Variants in CWF19L2 observed in about 807,000 individuals in gnomAD.
CWF19L2 encodes CWF19-like protein 2.
A neutral mutation model predicts 111.7 loss-of-function variants in CWF19L2; 98 were observed. The ratio of observed to expected loss-of-function variants is 0.88; its 90% CI spans 0.75 to 1.04. The LOEUF (loss-of-function observed/expected upper bound fraction) is 1.04, where lower values mean the gene tolerates loss of function less well. CWF19L2 is among the 50% of genes least tolerant of loss of function. The pLI, the probability that CWF19L2 is intolerant of heterozygous loss-of-function variation, is 0.00. For missense variants in CWF19L2, 1,101 were observed against 1,051.4 expected (o/e 1.05, Z -0.65); for synonymous variants, 351 against 342.9 (o/e 1.02, Z -0.26).
At chr11:107,412,167 C>A (rs1479691240) in intron 10 of CWF19L2, among the ~76,000 whole-genome samples, 1 of 152,018 alleles carries the variant, frequency 6.6e-6, no homozygotes, top group Admixed American at 6.6e-5. Context: ...GTGACAAGTG[C>A]CAGGAAAGAA....
chr11:107,457,528 T>C lies in CWF19L2; in HGVS notation c.105+184A>G, dbSNP rs553719793. Among the ~76,000 whole-genome samples the C allele has an allele frequency of 1.5e-3, 231 of 152,268 alleles. 1 individual carries two copies. The highest frequency in any genetic ancestry group is 5.3e-3 in the African/African-American group (221 of 41,546). On this transcript the variant is annotated intron_variant, in intron 1 of 17. Coordinates refer to ENST00000282251, the MANE Select transcript of CWF19L2 (RefSeq NM_152434.3). ...GAAAAGAGAATTAGCAACTGGCACC[T>C]GCCAGAACATCTAAAAAATCGGTAG... is the stretch of plus-strand genomic sequence containing the variant.
At chr11:107,361,526 G>A (rs1860336594) in intron 12 of CWF19L2, among the ~76,000 whole-genome samples, 1 of 152,108 alleles carries the variant, frequency 6.6e-6, no homozygotes, top group South Asian at 2.1e-4. Flanking sequence ...CTGTTGGTAT[G>A]TTGATAGAGA....
rs1241521864 is a variant in CWF19L2, at chr11:107,429,334, G to C, written c.898C>G (p.Gln300Glu). 2 of 1,607,506 alleles carry C rather than the reference G, an allele frequency of 1.2e-6. No homozygotes were observed. The highest frequency in any genetic ancestry group is 1.7e-6 in the Non-Finnish European group (2 of 1,176,314). ...ACTAAGTCTGATTCTCTACTTTCTT[G>C]ACAATTTTGTGCTTTATCTGAATAT... Reference protein sequence around the residue: ...PTYSDKAQNCQESRESDLVKY... With the variant: ...PTYSDKAQNCEESRESDLVKY... The change falls in exon 8 of 18, where the codon CAA becomes GAA. Residue 300 changes from glutamine (Q) to glutamate (E), a missense_variant. By Grantham distance (29) the Gln-to-Glu change is conservative. Coordinates refer to ENST00000282251, the MANE Select transcript of CWF19L2 (RefSeq NM_152434.3).
chr11:107,340,850 T>C (rs1859995915), intron 14 of CWF19L2, among the ~76,000 whole-genome samples: 1 of 152,226 alleles, frequency 6.6e-6, no homozygotes, highest in Non-Finnish European at 1.5e-5. Flanking sequence ...TTTTTGAAAT[T>C]TCTCTTAACA....
chr11:107,367,509 G>C lies in CWF19L2; in HGVS notation c.1873-13773C>G, dbSNP rs917884830. ...ATACTATGCAGCCATAAAAAATGAT[G>C]AGTTCATGTCCTTTGTAGGGACATG... On this transcript the variant is annotated intron_variant, in intron 12 of 17. Transcript: ENST00000282251. 4.6e-5 allele frequency among the ~76,000 whole-genome samples: 6 copies of C among 131,004 alleles called. 1 individual carries two copies. Among genetic ancestry groups the C allele is most frequent in the African/African-American group, 1.9e-4 (6 of 32,054 alleles). 85.9% of individuals were successfully genotyped at this position (131,004 alleles called of 152,430 possible).
intron 12 of CWF19L2, among the ~76,000 whole-genome samples, chr11:107,386,279 G>C (rs1172198295): frequency 6.6e-6 from 1 of 152,118 alleles, no homozygotes; most frequent in Non-Finnish European, 1.5e-5. Context: ...CTCCCAAAGT[G>C]CTGGGATTAC....
At chr11:107,412,535 T>G (rs1363427724) in intron 10 of CWF19L2, among the ~76,000 whole-genome samples, 4 of 152,134 alleles carry the variant, frequency 2.6e-5, no homozygotes, top group Admixed American at 2.0e-4. Context: ...GAGACAGGGT[T>G]TTGCCATGTT....
chr11:107,413,108 A>C (rs1021856442), intron 10 of CWF19L2, among the ~76,000 whole-genome samples: 3 of 152,168 alleles, frequency 2.0e-5, no homozygotes, highest in African/African-American at 7.2e-5. Flanking sequence ...AGAGGACCTT[A>C]ATGTAAACTA....
rs371866466 is a variant in CWF19L2 at position 107,428,974 on chromosome 11, T to G, written c.1258A>C (p.Ser420Arg). Residue 420 changes from serine to arginine, a missense_variant, in exon 8 of 18, where the codon AGT becomes CGT. Ser to Arg is a moderately radical substitution (Grantham distance 110, BLOSUM62 -1). Coordinates refer to ENST00000282251, the MANE Select transcript of CWF19L2 (RefSeq NM_152434.3). ...TTGTCTCCTCTCCCATCAGAGCGAC[T>G]CCATGATGTTAATCTTTCTTCACTG... ...KNSEERLTSWSRSDGRGDKKH... is the reference protein window; with the variant it reads ...KNSEERLTSWRRSDGRGDKKH... 2 of 1,613,672 alleles carry G rather than the reference T, an allele frequency of 1.2e-6. No individual in the cohort carries two copies. The highest frequency in any genetic ancestry group is 2.7e-5 in the African/African-American group (2 of 74,894).
intron 9 of CWF19L2, 108 bp from the exon 10 acceptor site, chr11:107,416,406 T>C (rs1861227255): frequency 9.4e-6 from 4 of 423,308 alleles, no homozygotes; most frequent in Non-Finnish European, 1.6e-5. Flanking sequence ...CCAACACTCA[T>C]GTAGCCTTCA....
chr11:107,390,781 T>C (rs556012431), intron 11 of CWF19L2, among the ~76,000 whole-genome samples: 24 of 152,242 alleles, frequency 1.6e-4, no homozygotes, highest in African/African-American at 5.5e-4. Context: ...GTCAACTTGA[T>C]TGGACTGAAG....
At chr11:107,332,477 C>T (rs1859863825) in intron 16 of CWF19L2, among the ~76,000 whole-genome samples, 1 of 147,796 alleles carries the variant, frequency 6.8e-6, no homozygotes, top group African/African-American at 2.5e-5. Flanking sequence ...CAAAGAAAAA[C>T]ATAAATTTGT....
intron 17 of CWF19L2, 79 bp from the exon 18 acceptor site, chr11:107,327,132 T>C (rs1859773608): frequency 1.5e-6 from 2 of 1,313,456 alleles, no homozygotes; most frequent in Non-Finnish European, 2.1e-6. Flanking sequence ...CTGTTTATTC[T>C]GCTATAAAAT....
intron 3 of CWF19L2, among the ~76,000 whole-genome samples, chr11:107,449,176 T>A (rs1237725767): frequency 1.4e-5 from 2 of 147,350 alleles, no homozygotes; most frequent in Non-Finnish European, 3.0e-5. Context: ...AAACTTAAAA[T>A]TCTTTATCTA....
chr11:107,454,535 T>G lies in CWF19L2; in HGVS notation c.254A>C (p.His85Pro), dbSNP rs532502837. Reference sequence around the variant, plus strand: ...CTTTTCTTTCTTTGCTTTTTTTGAATGCTTGTCTTTTTTCTTCTTTTTCTT... The same window carrying G: ...CTTTTCTTTCTTTGCTTTTTTTGAAGGCTTGTCTTTTTTCTTCTTTTTCTT... ...SVKKKKKKDK[H>P]SKKAKKEKKK... Residue 85 changes from histidine to proline, a missense_variant, in exon 3 of 18, where the codon CAT (histidine) becomes CCT (proline). Transcript: ENST00000282251. 2.0e-6 allele frequency: 3 copies of G among 1,469,634 alleles called. No individual in the cohort carries two copies. In the East Asian group the frequency reaches 7.8e-5, roughly 38 times the overall value. The allele number at this position is 1,469,634 out of a possible 1,614,324, so 91.0% of individuals were successfully genotyped here. A position where few individuals can be genotyped will look rare whatever the true frequency, so the allele number is the denominator to read the frequency against.
At chr11:107,357,756 AT>A (rs1483519591) in intron 12 of CWF19L2, among the ~76,000 whole-genome samples, 3 of 152,154 alleles carry the variant, frequency 2.0e-5, no homozygotes, top group Non-Finnish European at 4.4e-5. Flanking sequence ...AATATTTTTA[AT>A]TTATCAATCA....
intron 6 of CWF19L2, among the ~76,000 whole-genome samples, chr11:107,438,844 T>A (rs1010198529): frequency 8.5e-5 from 13 of 152,052 alleles, no homozygotes; most frequent in Admixed American, 8.5e-4. Flanking sequence ...GCCCAGGAGT[T>A]CAAGACTAGG....
chr11:107,362,252 C>T (rs1424316991), intron 12 of CWF19L2, among the ~76,000 whole-genome samples: 2 of 152,040 alleles, frequency 1.3e-5, no homozygotes, highest in Admixed American at 6.5e-5. Context: ...GGGGAAGGGG[C>T]GCCCGCCATT....
chr11:107,386,520 C>G (rs1233991946), intron 12 of CWF19L2, among the ~76,000 whole-genome samples: 1 of 152,166 alleles, frequency 6.6e-6, no homozygotes. Context: ...AACCTCTACA[C>G]TGCCAAATCC....
Sources: allele counts gnomAD v4.1 joint callset (sites outside exome capture counted in the v4.1 genomes callset), GRCh38; gene constraint gnomAD v4.1.1; transcripts MANE v1.5; gene names NCBI Gene and HGNC (gene_info 2026-07-23, HGNC 2026-07-21).